The following DSE variants were observed in gnomAD, a reference collection of about 807,000 sequenced individuals.
The protein encoded by DSE is dermatan sulfate epimerase, also known as dermatan-sulfate epimerase.
A neutral mutation model predicts 84.4 loss-of-function variants in DSE; 36 were observed. That is an observed-to-expected ratio of 0.43 (90% CI 0.33 to 0.56). The LOEUF (loss-of-function observed/expected upper bound fraction) is 0.56. DSE is among the 20% of genes least tolerant of loss of function. The pLI, the probability that DSE is intolerant of heterozygous loss-of-function variation, is 0.06. For missense variants in DSE, 862 were observed against 1,169.6 expected (o/e 0.74, Z 3.84); for synonymous variants, 410 against 430.1 (o/e 0.95, Z 0.58).
intron 1 of DSE, among the ~76,000 whole-genome samples, chr6:116,384,850 G>T (rs888279419): frequency 6.6e-6 from 1 of 152,060 alleles, no homozygotes; most frequent in Non-Finnish European, 1.5e-5. Context: ...GGAGAGCCAA[G>T]CACACAAAAT....
chr6:116,285,930 A>G (rs1407222073), intron 2 of DSE, among the ~76,000 whole-genome samples: 2 of 152,126 alleles, frequency 1.3e-5, no homozygotes, highest in Non-Finnish European at 2.9e-5. Flanking sequence ...GTAGCCTTGT[A>G]GTATAGTTTG....
chr6:116,387,845 A>G lies in DSE; in HGVS notation c.-53-11353A>G, dbSNP rs201890703. Among the ~76,000 whole-genome samples, 45 of 152,294 alleles carry G rather than the reference A, an allele frequency of 3.0e-4. No individual in the cohort carries two copies. The East Asian group carries it at 7.0e-3, about 24-fold the overall frequency. ...GGATTTTCCACAGAGGTATTAAGAG[A>G]AGCAGGAGAATACGGTATCCCAGAA... On this transcript the variant is annotated intron_variant, in intron 1 of 5. Transcript: ENST00000644252.
chr6:116,303,993 G>A (rs914566969), intron 2 of DSE, among the ~76,000 whole-genome samples: 13 of 151,940 alleles, frequency 8.6e-5, no homozygotes, highest in South Asian at 4.2e-4. Flanking sequence ...AAAACTAGCC[G>A]GGCATGGTGG....
In DSE at chr6:116,436,220, G is replaced by A. The variant is rs561665809; in HGVS notation, c.1752G>A (p.Ala584=). Residue 584 remains alanine (A), a synonymous_variant, in exon 6 of 6, where the codon GCG becomes GCA. Transcript: ENST00000644252. ...LGEESPLETA[A]SFFHNVDVPF... ...AGGAGAGTCCCTTGGAGACAGCAGCGAGCTTCTTCCATAATGTGGATGTTC... is the reference window on the plus strand; with the variant it reads ...AGGAGAGTCCCTTGGAGACAGCAGCAAGCTTCTTCCATAATGTGGATGTTC... The A allele has an allele frequency of 1.5e-5, 24 of 1,614,044 alleles. No individual in the cohort carries two copies. The East Asian group carries it at 2.9e-4, about 19-fold the overall frequency.
At chr6:116,349,923 CAGAG>C (rs1250624505) in intron 2 of DSE, among the ~76,000 whole-genome samples, 1 of 152,136 alleles carries the variant, frequency 6.6e-6, no homozygotes, top group Non-Finnish European at 1.5e-5. Flanking sequence ...TTACTTTTTA[CAGAG>C]AGAATTTGTC....
intron 1 of DSE, among the ~76,000 whole-genome samples, chr6:116,381,770 A>G (rs1334314625): frequency 1.3e-5 from 2 of 152,180 alleles, no homozygotes; most frequent in Admixed American, 1.3e-4. Flanking sequence ...AGAAATGAGA[A>G]AATTCTAGAG....
chr6:116,437,578 C>A lies in DSE; in HGVS notation c.*233C>A. On this transcript the variant is annotated 3_prime_UTR_variant, in exon 6 of 6. Coordinates refer to ENST00000644252, the MANE Select transcript of DSE (RefSeq NM_013352.4). The stretch of plus-strand genomic sequence containing the variant: ...CTATGGTGTTTTTGGAAGTATTTGG[C>A]ATTGCTAATTGAGCAGTCCATATAG... 2.2e-6 allele frequency: 1 copy of A among 457,100 alleles called. No individual in the cohort carries two copies. The highest frequency in any genetic ancestry group is 3.8e-6 in the Non-Finnish European group (1 of 261,270). The allele number at this position is 457,100 out of a possible 1,614,324, so 28.3% of individuals were successfully genotyped here.
chr6:116,427,554 C>T (rs1160152445), intron 3 of DSE, among the ~76,000 whole-genome samples: 3 of 152,186 alleles, frequency 2.0e-5, no homozygotes, highest in Non-Finnish European at 4.4e-5. Context: ...TGTTGATTAT[C>T]CAGCATCGGA....
At chr6:116,381,345 A>C (rs1018364496) in intron 1 of DSE, among the ~76,000 whole-genome samples, 2 of 152,136 alleles carry the variant, frequency 1.3e-5, no homozygotes, top group South Asian at 4.1e-4. Context: ...ACGAGGGATG[A>C]GATTGAGAAG....
chr6:116,427,711 A>G (rs1244379129), intron 3 of DSE, among the ~76,000 whole-genome samples: 1 of 152,248 alleles, frequency 6.6e-6, no homozygotes. Context: ...CATCAACCAT[A>G]TAAGGCAGCT....
intron 2 of DSE, among the ~76,000 whole-genome samples, chr6:116,359,069 T>G (rs1778742514): frequency 1.3e-5 from 2 of 152,156 alleles, no homozygotes; most frequent in African/African-American, 4.8e-5. Flanking sequence ...TCTTTCTTTT[T>G]TAATGAAATA....
At chr6:116,318,396 C>T (rs937635519) in intron 2 of DSE, among the ~76,000 whole-genome samples, 3 of 152,094 alleles carry the variant, frequency 2.0e-5, no homozygotes, top group Admixed American at 6.5e-5. Flanking sequence ...GTCCCAGCTA[C>T]TTGGGAGGCT....
chr6:116,427,395 A>G (rs1392185535), intron 3 of DSE, among the ~76,000 whole-genome samples: 1 of 152,246 alleles, frequency 6.6e-6, no homozygotes, highest in Non-Finnish European at 1.5e-5. Context: ...ACTTCTGTAG[A>G]AATCTATAAA....
chr6:116,389,053 T>TGAGC (rs1336080673), intron 1 of DSE, among the ~76,000 whole-genome samples: 3 of 152,236 alleles, frequency 2.0e-5, no homozygotes, highest in African/African-American at 7.2e-5. Flanking sequence ...GATAGTTTTG[T>TGAGC]GAGCGTTTCC....
intron 2 of DSE, among the ~76,000 whole-genome samples, chr6:116,365,340 G>A (rs374220590): frequency 2.6e-5 from 4 of 152,134 alleles, no homozygotes; most frequent in South Asian, 2.1e-4. Context: ...TGCAAGCTCC[G>A]CCTCCTGGGT....
chr6:116,436,299 G>C lies in DSE; in HGVS notation c.1831G>C (p.Asp611His). The stretch of plus-strand genomic sequence containing the variant: ...CCATGGGGCTTTCATCAGGCAGAGA[G>C]ATGGTCTCTATAAAATGTACTGGAT... ...GVHGAFIRQR[D>H]GLYKMYWMDD... is the part of the protein sequence containing the mutation. The change falls in exon 6 of 6, where the codon GAT becomes CAT. Residue 611 changes from aspartate (D) to histidine (H), a missense_variant. By Grantham distance (81) the Asp-to-His change is moderately conservative. Coordinates refer to ENST00000644252, the MANE Select transcript of DSE (RefSeq NM_013352.4). 1 of 1,614,176 alleles carries C rather than the reference G, an allele frequency of 6.2e-7. No individual in the cohort carries two copies. Among genetic ancestry groups the C allele is most frequent in the Non-Finnish European group, 8.5e-7 (1 of 1,180,026 alleles).
chr6:116,282,742 G>A (rs1187612316), intron 2 of DSE, among the ~76,000 whole-genome samples: 5 of 152,204 alleles, frequency 3.3e-5, no homozygotes, highest in Non-Finnish European at 5.9e-5. Context: ...GAAAGCTCAG[G>A]TTATGATTGC....
intron 2 of DSE, among the ~76,000 whole-genome samples, chr6:116,287,453 A>G (rs1245797145): frequency 6.6e-6 from 1 of 152,024 alleles, no homozygotes; most frequent in Admixed American, 6.6e-5. Context: ...TCATAGTTTA[A>G]TTGGCAGTGT....
chr6:116,395,771 T>C (rs556831042), intron 1 of DSE, among the ~76,000 whole-genome samples: 8 of 152,308 alleles, frequency 5.3e-5, no homozygotes, highest in Non-Finnish European at 4.4e-5. Flanking sequence ...CTCTTCTCTT[T>C]GTACAATGAG....
Sources: gnomAD v4.1 joint callset for allele counts (sites outside exome capture counted in the v4.1 genomes callset) on GRCh38, gnomAD v4.1.1 for gene constraint, MANE v1.5 for transcripts, NCBI Gene and HGNC (gene_info 2026-07-23, HGNC 2026-07-21) for gene names.